The following ANO10 variants were observed in gnomAD, a reference collection of about 807,000 sequenced individuals.
The protein encoded by ANO10 is anoctamin 10, also known as anoctamin-10.
ANO10 carries 77 observed loss-of-function variants against 74.7 expected under a neutral mutation model. The observed-to-expected ratio is 1.03, with a 90% CI of 0.86 to 1.25. The LOEUF is 1.25. Ranked by LOEUF, ANO10 falls within the 50% of genes most tolerant of loss-of-function variation. The pLI is 0.00. For missense variants in ANO10, 721 were observed against 778.1 expected (o/e 0.93, Z 0.87); for synonymous variants, 279 against 284.9 (o/e 0.98, Z 0.21).
intron 4 of ANO10, among the ~76,000 whole-genome samples, chr3:43,592,384 C>T (rs1167168634): frequency 2.0e-5 from 3 of 152,132 alleles, no homozygotes; most frequent in Non-Finnish European, 4.4e-5. Context: ...GGCTGGGTGC[C>T]CCTCTGAGAC....
intron 7 of ANO10, among the ~76,000 whole-genome samples, chr3:43,574,440 T>G (rs2080899770): frequency 6.6e-6 from 1 of 151,992 alleles, no homozygotes; most frequent in Non-Finnish European, 1.5e-5. Flanking sequence ...CCAGCTAATT[T>G]TTCTATTTTT....
At chr3:43,579,691 C>T (rs527449419) in intron 5 of ANO10, among the ~76,000 whole-genome samples, 19 of 152,234 alleles carry the variant, frequency 1.2e-4, no homozygotes, top group African/African-American at 4.1e-4. Context: ...TGCACTCTAG[C>T]CTGGGCAACA....
chr3:43,575,394 T>A (rs1038587708), intron 6 of ANO10, among the ~76,000 whole-genome samples: 4 of 152,134 alleles, frequency 2.6e-5, no homozygotes, highest in Non-Finnish European at 5.9e-5. Flanking sequence ...ATCTTACACA[T>A]AGAGTGTTGG....
At chr3:43,685,132 T>C (rs1055265787) in intron 1 of ANO10, among the ~76,000 whole-genome samples, 1 of 152,274 alleles carries the variant, frequency 6.6e-6, no homozygotes. Flanking sequence ...ATCAAATTTA[T>C]TGGCATAAAG....
intron 1 of ANO10, among the ~76,000 whole-genome samples, chr3:43,634,819 G>A (rs1159335432): frequency 6.6e-6 from 1 of 152,120 alleles, no homozygotes; most frequent in Non-Finnish European, 1.5e-5. Context: ...ATCAGAGGAG[G>A]GATAAACTAC....
chr3:43,562,526 CA>C (rs2080096839), intron 8 of ANO10, among the ~76,000 whole-genome samples: 1 of 134,606 alleles, frequency 7.4e-6, no homozygotes, highest in African/African-American at 2.8e-5. Flanking sequence ...ACTAAAAATA[CA>C]AAAATTAGCC....
intron 12 of ANO10, among the ~76,000 whole-genome samples, chr3:43,429,122 T>G (rs556893779): frequency 6.6e-6 from 1 of 152,202 alleles, no homozygotes; most frequent in Admixed American, 6.5e-5. Context: ...GCCATATCCA[T>G]AGTAAACACA....
At chr3:43,458,173 G>A (rs1374565680) in intron 11 of ANO10, among the ~76,000 whole-genome samples, 1 of 152,118 alleles carries the variant, frequency 6.6e-6, no homozygotes, top group Non-Finnish European at 1.5e-5. Flanking sequence ...TTTGTCATTT[G>A]TAAAAATTAT....
intron 5 of ANO10, among the ~76,000 whole-genome samples, chr3:43,578,212 G>A (rs953221214): frequency 2.0e-5 from 3 of 152,120 alleles, no homozygotes; most frequent in Admixed American, 6.6e-5. Context: ...AATGAAAACA[G>A]TAGGTATGAT....
At chr3:43,528,174 G>A (rs1407302909) in intron 11 of ANO10, among the ~76,000 whole-genome samples, 3 of 149,802 alleles carry the variant, frequency 2.0e-5, no homozygotes, top group Non-Finnish European at 4.4e-5. Context: ...AGCTACTATT[G>A]CTAGTCTAGG....
intron 2 of ANO10, among the ~76,000 whole-genome samples, chr3:43,601,839 C>T (rs1286612018): frequency 1.3e-5 from 2 of 152,150 alleles, no homozygotes; most frequent in Non-Finnish European, 2.9e-5. Flanking sequence ...GGTTGGTGAG[C>T]GTGGTAGCCG....
At chr3:43,639,335 C>T (rs1471106035) in intron 1 of ANO10, among the ~76,000 whole-genome samples, 1 of 152,158 alleles carries the variant, frequency 6.6e-6, no homozygotes, top group East Asian at 1.9e-4. Context: ...AGCCAGTTTG[C>T]CCTCACTAGA....
At chr3:43,372,600 C>T (rs2091653604) in intron 12 of ANO10, 5 of 491,444 alleles carry the variant, frequency 1.0e-5, no homozygotes, top group Admixed American at 6.7e-5. Context: ...GTCTCCTCCT[C>T]ATCCCTCTAT....
intron 1 of ANO10, among the ~76,000 whole-genome samples, chr3:43,611,102 C>T (rs150488779): frequency 7.2e-5 from 11 of 152,274 alleles, no homozygotes; most frequent in African/African-American, 2.6e-4. Flanking sequence ...ATTTTCCACA[C>T]AGTTGGAGTT....
At chr3:43,455,269 G>A (rs2075074913) in intron 11 of ANO10, among the ~76,000 whole-genome samples, 1 of 152,106 alleles carries the variant, frequency 6.6e-6, no homozygotes, top group Non-Finnish European at 1.5e-5. Context: ...AATGACCATG[G>A]AAATACACAT....
chr3:43,473,241 T>C (rs949393874), intron 11 of ANO10, among the ~76,000 whole-genome samples: 8 of 152,192 alleles, frequency 5.3e-5, no homozygotes, highest in African/African-American at 1.9e-4. Flanking sequence ...TGGTCTCTTT[T>C]AAACGTGATC....
At chr3:43,603,022 T>C (rs2082404941) in intron 2 of ANO10, among the ~76,000 whole-genome samples, 1 of 152,222 alleles carries the variant, frequency 6.6e-6, no homozygotes, top group Admixed American at 6.5e-5. Context: ...GGTTAAGTCA[T>C]CCTTTGGTTT....
At chr3:43,622,666 C>T (rs773401486), upstream of ANO10, among the ~76,000 whole-genome samples, 2 of 152,120 alleles carry the variant, frequency 1.3e-5, no homozygotes, top group African/African-American at 2.4e-5. Flanking sequence ...TCTGCCCCAG[C>T]CATTCCTTCT....
At chr3:43,572,989 C>A (rs1479368625) in intron 7 of ANO10, among the ~76,000 whole-genome samples, 1 of 150,550 alleles carries the variant, frequency 6.6e-6, no homozygotes, top group Non-Finnish European at 1.5e-5. Context: ...AGACTTTAAC[C>A]AACGGCTTTT....
Sources: allele counts gnomAD v4.1 joint callset (sites outside exome capture counted in the v4.1 genomes callset), GRCh38; gene constraint gnomAD v4.1.1; transcripts MANE v1.5; gene names NCBI Gene and HGNC (gene_info 2026-07-23, HGNC 2026-07-21).